The following DYNC2H1 variants were observed in gnomAD, a reference collection of about 807,000 sequenced individuals.
DYNC2H1 encodes dynein cytoplasmic 2 heavy chain 1.
DYNC2H1 carries 410 observed loss-of-function variants against 570.0 expected under a neutral mutation model. The observed-to-expected ratio is 0.72, with a 90% CI of 0.66 to 0.78. DYNC2H1 has a LOEUF of 0.78. Ranked by LOEUF, DYNC2H1 falls within the 30% of genes least tolerant of loss-of-function variation. The pLI is 0.00. For missense variants in DYNC2H1, 4,865 were observed against 5,046.4 expected, an observed-to-expected ratio of 0.96 and a Z score of 1.09; for synonymous variants, 1,688 against 1,677.6, an observed-to-expected ratio of 1.01 and a Z score of -0.15.
intron 12 of DYNC2H1, among the ~76,000 whole-genome samples, chr11:103,128,022 G>A (rs1331683720): frequency 6.6e-6 from 1 of 152,202 alleles, no homozygotes; most frequent in Non-Finnish European, 1.5e-5. Flanking sequence ...CATAAAGTAG[G>A]CAAAAGAACC....
intron 47 of DYNC2H1, among the ~76,000 whole-genome samples, chr11:103,193,694 C>A (rs752476787): frequency 6.6e-6 from 1 of 151,930 alleles, no homozygotes; most frequent in African/African-American, 2.4e-5. Flanking sequence ...CAGGCATGTG[C>A]CACCACGCCC....
chr11:103,300,881 T>C (rs1437430094), intron 75 of DYNC2H1, among the ~76,000 whole-genome samples: 1 of 146,426 alleles, frequency 6.8e-6, no homozygotes, highest in East Asian at 2.0e-4. Context: ...ATTTTCCAAA[T>C]AAAATACACT....
intron 6 of DYNC2H1, 138 bp downstream of exon 6, chr11:103,118,001 T>C: frequency 1.5e-6 from 1 of 655,146 alleles, no homozygotes; most frequent in East Asian, 3.0e-5. Flanking sequence ...TTAAAGTTCT[T>C]GTTGGGCCAG....
At chr11:103,143,579 A>G (rs1860081436) in intron 18 of DYNC2H1, among the ~76,000 whole-genome samples, 184 bp downstream of exon 18, 3 of 152,144 alleles carry the variant, frequency 2.0e-5, no homozygotes, top group Admixed American at 1.3e-4. Flanking sequence ...TCCTTCTAGA[A>G]GCTCTGCTGG....
At chr11:103,471,697 A>T (rs1945393632) in intron 88 of DYNC2H1, among the ~76,000 whole-genome samples, 1 of 152,172 alleles carries the variant, frequency 6.6e-6, no homozygotes, top group Non-Finnish European at 1.5e-5. Context: ...TTATTAAGTT[A>T]TTGTTGAGTT....
intron 70 of DYNC2H1, among the ~76,000 whole-genome samples, chr11:103,276,161 C>T (rs1865898411): frequency 6.6e-6 from 1 of 151,394 alleles, no homozygotes; most frequent in Admixed American, 6.6e-5. Context: ...TGTTAATTCA[C>T]TTAATCAAGA....
intron 17 of DYNC2H1, among the ~76,000 whole-genome samples, chr11:103,142,189 G>A (rs944330820): frequency 2.0e-5 from 3 of 152,204 alleles, no homozygotes; most frequent in African/African-American, 4.8e-5. Context: ...GCCCTGCTTC[G>A]GCTCACGCAC....
chr11:103,315,497 A>G (rs1408589367), intron 79 of DYNC2H1, among the ~76,000 whole-genome samples: 1 of 152,080 alleles, frequency 6.6e-6, no homozygotes, highest in African/African-American at 2.4e-5. Context: ...CGATAAGCTT[A>G]GAAGTCATTC....
rs572895367 is a variant in DYNC2H1 at position 103,241,214 on chromosome 11, T to G, written c.9820-2479T>G. On this transcript the variant is annotated intron_variant, in intron 63 of 88. Coordinates refer to ENST00000375735, the MANE Select transcript of DYNC2H1 (RefSeq NM_001377.3). The surrounding 1 kb of genome is among the most constrained non-coding windows in gnomAD (Gnocchi z 5.1). The stretch of plus-strand genomic sequence containing the variant: ...GTTATTGAGGTTAAGGGAATGTATT[T>G]TCTTAATTTCTGTACTCCTTGTACT... Among the ~76,000 whole-genome samples, 59 of 152,326 alleles carry G rather than the reference T, an allele frequency of 3.9e-4. No homozygotes were observed. The highest frequency in any genetic ancestry group is 1.2e-3 in the African/African-American group (51 of 41,578).
intron 83 of DYNC2H1, among the ~76,000 whole-genome samples, chr11:103,360,194 C>G (rs1250871824): frequency 6.6e-6 from 1 of 151,976 alleles, no homozygotes; most frequent in African/African-American, 2.4e-5. Flanking sequence ...TAGGGGAAAT[C>G]ATAATTTCCC....
At chr11:103,166,569 C>G (rs976691323) in intron 31 of DYNC2H1, among the ~76,000 whole-genome samples, 2 of 152,020 alleles carry the variant, frequency 1.3e-5, no homozygotes, top group Non-Finnish European at 2.9e-5. Context: ...TCTTATTTTA[C>G]CTTTATTTCT....
chr11:103,174,184 T>C lies in DYNC2H1; in HGVS notation c.5674+14T>C, dbSNP rs1861699120. The C allele has an allele frequency of 6.6e-7, 1 of 1,513,074 alleles. No individual in the cohort carries two copies. Among genetic ancestry groups the C allele is most frequent in the Non-Finnish European group, 9.0e-7 (1 of 1,116,586 alleles). 93.7% of individuals were successfully genotyped at this position (1,513,074 alleles called of 1,614,324 possible). A position where few individuals can be genotyped will look rare whatever the true frequency, so the allele number is the denominator to read the frequency against. ...CTACACAGAATGGTATGATTGATTA[T>C]TCCAAATACATTAACTTATTTTTAA... is the stretch of plus-strand genomic sequence containing the variant. On this transcript the variant is annotated intron_variant, in intron 36 of 88. Coordinates refer to ENST00000375735, the MANE Select transcript of DYNC2H1 (RefSeq NM_001377.3).
chr11:103,463,702 G>A (rs1187093143), intron 87 of DYNC2H1, among the ~76,000 whole-genome samples: 1 of 152,204 alleles, frequency 6.6e-6, no homozygotes, highest in African/African-American at 2.4e-5. Context: ...AGTGAGTCAT[G>A]ATCATGCCAC....
chr11:103,447,970 T>C (rs1252599277), intron 85 of DYNC2H1, among the ~76,000 whole-genome samples: 1 of 152,046 alleles, frequency 6.6e-6, no homozygotes, highest in Non-Finnish European at 1.5e-5. Context: ...TGATAAATAT[T>C]GAAAGAAAAA....
In DYNC2H1 at chr11:103,280,491, ATTAT is replaced by A; in HGVS notation, c.10761+82_10761+85del. 8.1e-7 allele frequency: 1 copy of A among 1,229,738 alleles called. No homozygotes were observed. Among genetic ancestry groups the A allele is most frequent in the South Asian group, 1.3e-5 (1 of 76,462 alleles). 76.2% of individuals were successfully genotyped at this position (1,229,738 alleles called of 1,614,324 possible). A position where few individuals can be genotyped will look rare whatever the true frequency, so the allele number is the denominator to read the frequency against. ...GGGTGGATTTATGTTTAGATTAGAA[ATTAT>A]TTAGGCTAGAAATTATATATCAACC... is the stretch of plus-strand genomic sequence containing the variant. On this transcript the variant is annotated intron_variant, in intron 71 of 88. Coordinates refer to ENST00000375735, the MANE Select transcript of DYNC2H1 (RefSeq NM_001377.3). This position sits in a 1 kb window ranked among gnomAD's most constrained non-coding sequence, Gnocchi z 4.7.
At chr11:103,352,775 C>T (rs548822650) in intron 82 of DYNC2H1, among the ~76,000 whole-genome samples, 19 of 152,166 alleles carry the variant, frequency 1.2e-4, no homozygotes, top group Middle Eastern at 3.4e-3. Context: ...AAATACCATT[C>T]GACCTAGCAA....
chr11:103,393,072 C>T (rs776860708), intron 83 of DYNC2H1, among the ~76,000 whole-genome samples: 8 of 148,998 alleles, frequency 5.4e-5, no homozygotes, highest in South Asian at 2.1e-4. Context: ...TTAGTAGAGA[C>T]GGGGTTTCAC....
At chr11:103,429,691 G>A (rs1025272136) in intron 84 of DYNC2H1, among the ~76,000 whole-genome samples, 2 of 152,152 alleles carry the variant, frequency 1.3e-5, no homozygotes, top group Non-Finnish European at 1.5e-5. Flanking sequence ...ATGTATGTTT[G>A]TGAAATAGGT....
rs1015688571 is a variant in DYNC2H1 at position 103,320,287 on chromosome 11, A to C, written c.11726-742A>C. ...CGTGGTGGCATGCGCCTGTAATCCCAGCTACTCAGGAGGCTAAGGCAGGAG... is the reference window on the plus strand; with the variant it reads ...CGTGGTGGCATGCGCCTGTAATCCCCGCTACTCAGGAGGCTAAGGCAGGAG... On this transcript the variant is annotated intron_variant, in intron 80 of 88. Transcript: ENST00000375735. Among the ~76,000 whole-genome samples, 9 of 152,196 alleles carry C rather than the reference A, an allele frequency of 5.9e-5. No homozygotes were observed. In the South Asian group the frequency reaches 1.9e-3, roughly 31 times the overall value.
Sources: allele counts gnomAD v4.1 joint callset (sites outside exome capture counted in the v4.1 genomes callset), GRCh38; gene constraint gnomAD v4.1.1; non-coding constraint Gnocchi (gnomAD v3.1); transcripts MANE v1.5; gene names NCBI Gene and HGNC (gene_info 2026-07-23, HGNC 2026-07-21).